OSMR: variants seen among roughly 807,000 people sequenced by gnomAD.
OSMR encodes the protein oncostatin M receptor.
A neutral mutation model predicts 99.9 loss-of-function variants in OSMR; 81 were observed. That is an observed-to-expected ratio of 0.81 (90% confidence interval 0.68 to 0.97). The LOEUF is 0.97. Among genes scored for constraint, OSMR ranks in the 50% least tolerant of loss-of-function variants. The pLI is 0.00. For missense variants in OSMR, 1,099 were observed against 1,153.4 expected, an observed-to-expected ratio of 0.95 and a Z score of 0.68; for synonymous variants, 406 against 410.4, an observed-to-expected ratio of 0.99 and a Z score of 0.13.
chr5:38,913,687 T>G (rs1470276951), intron 9 of OSMR, among the ~76,000 whole-genome samples: 1 of 152,088 alleles, frequency 6.6e-6, no homozygotes, highest in Non-Finnish European at 1.5e-5. Flanking sequence ...AGACACCATC[T>G]CACACCAATC....
In OSMR at chr5:38,917,571, G is replaced by A. The variant is rs1260749502; in HGVS notation, c.1311G>A (p.Trp437Ter). The A allele has an allele frequency of 2.5e-6, 4 of 1,613,630 alleles. No homozygotes were observed. The African/African-American group carries it at 4.0e-5, about 16-fold the overall frequency. ...EAAPSEAPDV[W>*]RIVSLEPGNH... ...CTCCCTCAGAGGCCCCTGATGTCTG[G>A]AGAATTGTGAGCTTGGAGCCAGGAA... The change falls in exon 10 of 18, where the codon TGG becomes TGA. Residue 437 changes from tryptophan to a stop codon, truncating the protein, a stop_gained. Coordinates refer to ENST00000274276, the MANE Select transcript of OSMR (RefSeq NM_003999.3). LOFTEE classifies it high-confidence loss of function.
intron 4 of OSMR, among the ~76,000 whole-genome samples, chr5:38,882,103 T>C (rs1743333668): frequency 6.6e-6 from 1 of 152,240 alleles, no homozygotes; most frequent in Non-Finnish European, 1.5e-5. Flanking sequence ...ACACAAAATG[T>C]GTATGCGTCT....
At chr5:38,944,840 C>T (rs182505025) in intron 2 of OSMR, 46 of 1,423,986 alleles carry the variant, frequency 3.2e-5, no homozygotes, top group African/African-American at 1.4e-4. Context: ...ACAGTATTTA[C>T]GAAAAACAAA....
chr5:38,848,357 A>G (rs1740056488), intron 1 of OSMR, among the ~76,000 whole-genome samples: 1 of 152,214 alleles, frequency 6.6e-6, no homozygotes, highest in Non-Finnish European at 1.5e-5. Flanking sequence ...AGCTACATGA[A>G]GAGAGAATTT....
chr5:38,919,347 C>A, intron 11 of OSMR: 2 of 1,381,572 alleles, frequency 1.4e-6, no homozygotes, highest in Non-Finnish European at 1.9e-6. Flanking sequence ...AACTGCAACC[C>A]TAACAAACAG....
At chr5:38,874,462 G>A (rs927162404) in intron 2 of OSMR, among the ~76,000 whole-genome samples, 1 of 152,112 alleles carries the variant, frequency 6.6e-6, no homozygotes, top group African/African-American at 2.4e-5. Context: ...GTTTTCTGAG[G>A]TGTTCCTCCA....
Position 38,881,595 on chromosome 5 carries a change from G to C in OSMR, c.249G>C (p.Gly83=). Reference sequence around the variant, plus strand: ...AATTGTTTTCTCTTTGCTTTTAGGGGAATTACAGCACCACTGTGAAGTGGA... The same window carrying C: ...AATTGTTTTCTCTTTGCTTTTAGGGCAATTACAGCACCACTGTGAAGTGGA... ...RIETSNVIWV[G]NYSTTVKWNQ... Residue 83 remains glycine, a splice_region_variant and synonymous_variant, in exon 4 of 18, where the codon GGG becomes GGC. Transcript: ENST00000274276. 1 of 1,614,132 alleles carries C rather than the reference G, an allele frequency of 6.2e-7. No individual in the cohort carries two copies. Among genetic ancestry groups the C allele is most frequent in the Non-Finnish European group, 8.5e-7 (1 of 1,180,008 alleles).
downstream of OSMR, chr5:38,939,240 C>T (rs888364142): frequency 1.7e-5 from 4 of 232,544 alleles, no homozygotes; most frequent in East Asian, 6.1e-5. Flanking sequence ...AACACTTGGC[C>T]GTTGTGATAT....
chr5:38,879,423 G>T (rs187759891), intron 3 of OSMR, among the ~76,000 whole-genome samples: 2 of 152,328 alleles, frequency 1.3e-5, no homozygotes, highest in African/African-American at 4.8e-5. Flanking sequence ...GGGGAACTGG[G>T]GCAAGGGATG....
intron 1 of OSMR, among the ~76,000 whole-genome samples, chr5:38,857,548 G>A (rs1740947430): frequency 2.0e-5 from 3 of 152,118 alleles, no homozygotes; most frequent in Admixed American, 2.0e-4. Context: ...GGGTACAGTT[G>A]TGATGTTTCA....
At chr5:38,931,172 A>ATATT (rs1746728370) in intron 15 of OSMR, among the ~76,000 whole-genome samples, 3 of 152,306 alleles carry the variant, frequency 2.0e-5, no homozygotes, top group African/African-American at 7.2e-5. Context: ...AGATTAAGAC[A>ATATT]TATTTATGTA....
intron 1 of OSMR, among the ~76,000 whole-genome samples, chr5:38,861,954 G>A (rs1167860178): frequency 7.6e-5 from 10 of 131,928 alleles, no homozygotes; most frequent in Non-Finnish European, 1.5e-4. Context: ...CGGACGGGGT[G>A]GCTGGCCGGG....
At chr5:38,870,522 C>T (rs1302392243) in intron 2 of OSMR, among the ~76,000 whole-genome samples, 1 of 152,026 alleles carries the variant, frequency 6.6e-6, no homozygotes, top group Admixed American at 6.6e-5. Context: ...TCAAACAGAC[C>T]CACTGCCCCA....
intron 11 of OSMR, 186 bp from the exon 12 acceptor site, chr5:38,921,429 G>C: frequency 1.1e-6 from 1 of 943,296 alleles, no homozygotes; most frequent in Non-Finnish European, 1.3e-6. Flanking sequence ...GTGAATATTC[G>C]CTGGGAAGTA....
In OSMR at chr5:38,921,636, T is replaced by C. The variant is rs1746238824; in HGVS notation, c.1607T>C (p.Ile536Thr). Residue 536 changes from isoleucine to threonine, a missense_variant, in exon 12 of 18, where the codon ATT (isoleucine) becomes ACT (threonine). By Grantham distance (89) the Ile-to-Thr change is moderately conservative. Coordinates refer to ENST00000274276, the MANE Select transcript of OSMR (RefSeq NM_003999.3). Reference protein sequence around the residue: ...PENKEVEEERIAGTEGGFSLS... With the variant: ...PENKEVEEERTAGTEGGFSLS... ...ACAGAAGAGGTTGAGGAAGAAAGAA[T>C]TGCAGGCACAGAGGGTGGATTCTCT... 8 of 1,614,190 alleles carry C rather than the reference T, an allele frequency of 5.0e-6. No homozygotes were observed. Among genetic ancestry groups the C allele is most frequent in the South Asian group, 4.4e-5 (4 of 91,090 alleles).
chr5:38,926,420 A>G (rs1746477391), intron 15 of OSMR, among the ~76,000 whole-genome samples: 1 of 152,226 alleles, frequency 6.6e-6, no homozygotes. Context: ...ATTGACTCAC[A>G]GTTCCACATG....
intron 9 of OSMR, chr5:38,917,320 C>T: frequency 1.5e-5 from 9 of 606,086 alleles, no homozygotes; most frequent in Non-Finnish European, 1.9e-5. Context: ...TAAAGGCTTT[C>T]AGAGGCAGCT....
At chr5:38,942,043 T>C (rs1747625115) in intron 1 of OSMR, 1 of 342,808 alleles carries the variant, frequency 2.9e-6, no homozygotes, top group Non-Finnish European at 5.3e-6. Context: ...TGCTTGGCTC[T>C]TGCATACAAT....
chr5:38,930,313 C>T (rs931029734), intron 15 of OSMR, among the ~76,000 whole-genome samples: 2 of 152,072 alleles, frequency 1.3e-5, no homozygotes, highest in Non-Finnish European at 2.9e-5. Flanking sequence ...CAGTTTTGGC[C>T]CTCTCTTACC....
Sources: gnomAD v4.1 joint callset for allele counts (sites outside exome capture counted in the v4.1 genomes callset) on GRCh38, gnomAD v4.1.1 for gene constraint, MANE v1.5 for transcripts, NCBI Gene and HGNC (gene_info 2026-07-23, HGNC 2026-07-21) for gene names.